The following GPC5 variants were observed in gnomAD, a reference collection of about 807,000 sequenced individuals.
The protein encoded by GPC5 is glypican-5.
GPC5 carries 47 observed loss-of-function variants against 53.9 expected under a neutral mutation model. The observed-to-expected ratio is 0.87, with a 90% CI of 0.69 to 1.11. GPC5 has a LOEUF of 1.11. GPC5 is among the 50% of genes most tolerant of loss of function. The pLI is 0.00. For synonymous variants in GPC5, 286 were observed against 263.3 expected, an observed-to-expected ratio of 1.09 and a Z score of -0.84; for missense variants, 748 against 713.1, an observed-to-expected ratio of 1.05 and a Z score of -0.56.
intron 7 of GPC5, among the ~76,000 whole-genome samples, chr13:92,777,353 A>T (rs1875851471): frequency 7.1e-6 from 1 of 141,182 alleles, no homozygotes; most frequent in South Asian, 2.3e-4. Context: ...AAAAAAAAAA[A>T]GCCAGGCTCA....
chr13:91,721,753 A>G (rs998088228), intron 3 of GPC5, among the ~76,000 whole-genome samples: 3 of 152,126 alleles, frequency 2.0e-5, no homozygotes, highest in Non-Finnish European at 4.4e-5. Flanking sequence ...TGATCTTCCC[A>G]TGGCTGTTTG....
intron 7 of GPC5, among the ~76,000 whole-genome samples, chr13:92,736,997 T>C (rs1329669998): frequency 6.6e-6 from 1 of 152,042 alleles, no homozygotes; most frequent in African/African-American, 2.4e-5. Context: ...AAATACCTAA[T>C]ACAGATGCCA....
At chr13:92,163,454 C>A (rs1217541844) in intron 7 of GPC5, among the ~76,000 whole-genome samples, 2 of 115,486 alleles carry the variant, frequency 1.7e-5, no homozygotes, top group Non-Finnish European at 3.3e-5. Context: ...CAGTGAGATT[C>A]CATCTCAAAA....
chr13:91,896,295 A>G (rs541690983), intron 5 of GPC5, among the ~76,000 whole-genome samples: 2 of 151,766 alleles, frequency 1.3e-5, no homozygotes, highest in South Asian at 2.1e-4. Context: ...AACTTTTTGT[A>G]TTTTTAGTAG....
chr13:92,185,397 C>T (rs1166404429), intron 7 of GPC5, among the ~76,000 whole-genome samples: 1 of 152,144 alleles, frequency 6.6e-6, no homozygotes, highest in Non-Finnish European at 1.5e-5. Flanking sequence ...CTTAAACTTA[C>T]TAAGATGTAG....
intron 6 of GPC5, among the ~76,000 whole-genome samples, chr13:91,996,788 T>C (rs1353630441): frequency 6.6e-6 from 1 of 152,208 alleles, no homozygotes; most frequent in Non-Finnish European, 1.5e-5. Context: ...CACATTGTAT[T>C]CTTTTTTGTC....
intron 7 of GPC5, among the ~76,000 whole-genome samples, chr13:92,616,380 A>G (rs1227896919): frequency 6.6e-6 from 1 of 152,204 alleles, no homozygotes; most frequent in Non-Finnish European, 1.5e-5. Flanking sequence ...CTTATTTAAT[A>G]AGACTATAGC....
chr13:92,349,825 C>T (rs1453904285), intron 7 of GPC5, among the ~76,000 whole-genome samples: 2 of 152,072 alleles, frequency 1.3e-5, no homozygotes, highest in Non-Finnish European at 2.9e-5. Context: ...AGAACTAGTA[C>T]TAATTCTCAA....
At chr13:91,673,548 T>C (rs926823221) in intron 2 of GPC5, among the ~76,000 whole-genome samples, 1 of 152,086 alleles carries the variant, frequency 6.6e-6, no homozygotes, top group Non-Finnish European at 1.5e-5. Context: ...GAGAGAGAAA[T>C]TAGCTGCCTT....
intron 7 of GPC5, among the ~76,000 whole-genome samples, chr13:92,551,252 T>C (rs546121180): frequency 6.7e-6 from 1 of 149,632 alleles, no homozygotes; most frequent in East Asian, 2.0e-4. Flanking sequence ...ACCTAAACTA[T>C]GACAATTGCC....
At chr13:91,585,627 G>T (rs1045593988) in intron 2 of GPC5, among the ~76,000 whole-genome samples, 6 of 152,128 alleles carry the variant, frequency 3.9e-5, no homozygotes, top group African/African-American at 9.7e-5. Context: ...GGTTGTGTTT[G>T]GGGGGTGGAG....
At chr13:92,300,736 C>A (rs1347408662) in intron 7 of GPC5, among the ~76,000 whole-genome samples, 2 of 152,160 alleles carry the variant, frequency 1.3e-5, no homozygotes, top group Non-Finnish European at 2.9e-5. Flanking sequence ...CTATCTTAAG[C>A]AATATTGTGT....
At chr13:91,690,098 T>C (rs1438832300) in intron 2 of GPC5, among the ~76,000 whole-genome samples, 3 of 152,184 alleles carry the variant, frequency 2.0e-5, no homozygotes, top group Non-Finnish European at 4.4e-5. Flanking sequence ...ATTTTTCAGC[T>C]CCATTATAAT....
intron 2 of GPC5, among the ~76,000 whole-genome samples, chr13:91,569,510 C>G (rs1271655587): frequency 6.6e-6 from 1 of 152,120 alleles, no homozygotes; most frequent in African/African-American, 2.4e-5. Flanking sequence ...TTTGTTCTCC[C>G]TAGCCTCAAC....
intron 4 of GPC5, among the ~76,000 whole-genome samples, chr13:91,745,779 G>A (rs933121964): frequency 6.5e-4 from 99 of 152,138 alleles, no homozygotes; most frequent in African/African-American, 2.3e-3. Flanking sequence ...TCATGTGCTT[G>A]AAACACATTT....
chr13:91,849,870 A>G (rs992546534), intron 5 of GPC5, among the ~76,000 whole-genome samples: 34 of 150,166 alleles, frequency 2.3e-4, no homozygotes, highest in African/African-American at 8.4e-4. Flanking sequence ...GGAATATTAG[A>G]GCTATTATGG....
At chr13:91,480,826 T>A (rs550946858) in intron 2 of GPC5, among the ~76,000 whole-genome samples, 111 of 152,314 alleles carry the variant, frequency 7.3e-4, no homozygotes, top group Non-Finnish European at 1.4e-3. Flanking sequence ...TTTTCCTTGT[T>A]GGACAGGACC....
At chr13:91,580,642 A>G (rs1028320813) in intron 2 of GPC5, among the ~76,000 whole-genome samples, 6 of 152,224 alleles carry the variant, frequency 3.9e-5, no homozygotes, top group Non-Finnish European at 8.8e-5. Context: ...CTTTGGAAGC[A>G]GTCACTGAGA....
chr13:92,572,344 A>G (rs1238010637), intron 7 of GPC5, among the ~76,000 whole-genome samples: 4 of 152,148 alleles, frequency 2.6e-5, no homozygotes, highest in African/African-American at 7.2e-5. Context: ...TGAGTGTCCA[A>G]CCATTGTTGT....
Sources: allele counts gnomAD v4.1 joint callset (sites outside exome capture counted in the v4.1 genomes callset), GRCh38; gene constraint gnomAD v4.1.1; transcripts MANE v1.5; gene names NCBI Gene and HGNC (gene_info 2026-07-23, HGNC 2026-07-21).